CFAP52: variants seen among roughly 807,000 people sequenced by gnomAD.
CFAP52 encodes the protein cilia and flagella associated protein 52, also known as cilia- and flagella-associated protein 52.
CFAP52 carries 57 observed loss-of-function variants against 70.5 expected under a neutral mutation model. The ratio of observed to expected loss-of-function variants is 0.81; its 90% confidence interval spans 0.65 to 1.01. The LOEUF (loss-of-function observed/expected upper bound fraction) is 1.01. Among genes scored for constraint, CFAP52 ranks in the 50% least tolerant of loss-of-function variants. CFAP52 has a pLI of 0.00. For missense variants in CFAP52, 785 were observed against 788.5 expected (o/e 1.00, Z 0.05); for synonymous variants, 267 against 292.5 (o/e 0.91, Z 0.89).
At chr17:9,584,746 C>T (rs571246196) in intron 1 of CFAP52, among the ~76,000 whole-genome samples, 60 of 152,084 alleles carry the variant, frequency 3.9e-4, no homozygotes, top group African/African-American at 1.2e-3. Context: ...CTCAGCCTCC[C>T]GAGTAGCTGG....
At chr17:9,610,184 T>C (rs1909660005) in intron 7 of CFAP52, 1 of 152,142 alleles carries the variant, frequency 6.6e-6, no homozygotes, top group Non-Finnish European at 1.5e-5. Context: ...TAATACAAGA[T>C]GCAAGAAATA....
chr17:9,599,983 C>A (rs1228953618), intron 5 of CFAP52, 84 bp from the exon 6 acceptor site: 3 of 1,087,036 alleles, frequency 2.8e-6, no homozygotes, highest in South Asian at 1.3e-5. Context: ...TCAGGTGATC[C>A]ACCCGCCTCG....
chr17:9,631,086 A>AAG lies in CFAP52; in HGVS notation c.1175-1800_1175-1799dup, dbSNP rs1478815746. Among the ~76,000 whole-genome samples the AAG allele has an allele frequency of 8.0e-5, 11 of 138,026 alleles. No individual in the cohort carries two copies. The East Asian group carries it at 1.0e-3, about 13-fold the overall frequency. 90.6% of individuals were successfully genotyped at this position (138,026 alleles called of 152,430 possible). On this transcript the variant is annotated intron_variant, in intron 9 of 13. Coordinates refer to ENST00000352665, the MANE Select transcript of CFAP52 (RefSeq NM_145054.5). The stretch of plus-strand genomic sequence containing the variant: ...AGAAAGAAAGAAAGAAAGAAAGAGA[A>AAG]AGAAAGAAAGAGAAAGAAAGAACAT...
At position 9,636,430 on chromosome 17, in the gene CFAP52, A is replaced by G. The variant is rs145827979; in HGVS notation, c.1472+874A>G. 1.4e-4 allele frequency among the ~76,000 whole-genome samples: 22 copies of G among 152,248 alleles called. No individual in the cohort carries two copies. In the East Asian group the frequency reaches 4.1e-3, roughly 28 times the overall value. Reference sequence around the variant, plus strand: ...TCCGAGCGTATCACACCCCCATAGAATGACTAACTTCAAACTAACTAGACC... The same window carrying G: ...TCCGAGCGTATCACACCCCCATAGAGTGACTAACTTCAAACTAACTAGACC... On this transcript the variant is annotated intron_variant, in intron 11 of 13. Coordinates refer to ENST00000352665, the MANE Select transcript of CFAP52 (RefSeq NM_145054.5).
At chr17:9,600,946 A>G (rs1261578481) in intron 6 of CFAP52, among the ~76,000 whole-genome samples, 1 of 152,120 alleles carries the variant, frequency 6.6e-6, no homozygotes, top group Non-Finnish European at 1.5e-5. Flanking sequence ...TCAGAACCAC[A>G]TTTCCAGTTC....
chr17:9,608,858 C>A (rs569822356), intron 7 of CFAP52, among the ~76,000 whole-genome samples: 1 of 152,256 alleles, frequency 6.6e-6, no homozygotes, highest in East Asian at 1.9e-4. Flanking sequence ...TTTGTCCTCC[C>A]AGAACTTACA....
chr17:9,611,184 T>C lies in CFAP52; in HGVS notation c.855-1125T>C, dbSNP rs151109931. On this transcript the variant is annotated intron_variant, in intron 7 of 13. Coordinates refer to ENST00000352665, the MANE Select transcript of CFAP52 (RefSeq NM_145054.5). ...ACAAGAACCTGCGTTGAATTCTTCA[T>C]TGTCTAAACTAAACTAGTTACAGAG... is the stretch of plus-strand genomic sequence containing the variant. Among the ~76,000 whole-genome samples, 497 of 152,292 alleles carry C rather than the reference T, an allele frequency of 3.3e-3. 2 individuals carry two copies. The highest frequency in any genetic ancestry group is 5.3e-3 in the Non-Finnish European group (358 of 68,020).
rs368404065 is a variant in CFAP52, at chr17:9,601,127, CT to C, written c.753+945del. 4.3e-4 allele frequency among the ~76,000 whole-genome samples: 65 copies of C among 152,096 alleles called. No homozygotes were observed. In the East Asian group the frequency reaches 0.012, roughly 28 times the overall value. Reference sequence around the variant, plus strand: ...GTCCTTTGTAGGGACATGGATGAAGCTGGATACCATCATTCTCAGCAAGCTA... The same window carrying C: ...GTCCTTTGTAGGGACATGGATGAAGCGGATACCATCATTCTCAGCAAGCTA... On this transcript the variant is annotated intron_variant, in intron 6 of 13. Coordinates refer to ENST00000352665, the MANE Select transcript of CFAP52 (RefSeq NM_145054.5).
At chr17:9,615,449 T>C (rs1003048873) in intron 8 of CFAP52, among the ~76,000 whole-genome samples, 3 of 152,346 alleles carry the variant, frequency 2.0e-5, no homozygotes, top group Non-Finnish European at 4.4e-5. Context: ...ATTTAATTCA[T>C]TCATAAGTAT....
At chr17:9,600,208 C>T (rs771593633) in intron 6 of CFAP52, 25 bp downstream of exon 6, 3 of 1,590,660 alleles carry the variant, frequency 1.9e-6, no homozygotes, top group East Asian at 2.2e-5. Context: ...TCGCCACTGC[C>T]CTGCCATTTT....
intron 3 of CFAP52, 43 bp downstream of exon 3, chr17:9,586,877 A>G: frequency 6.5e-7 from 1 of 1,538,800 alleles, no homozygotes; most frequent in Non-Finnish European, 8.7e-7. Flanking sequence ...TATTTTTTTT[A>G]ACTTTTATTT....
Position 9,594,311 on chromosome 17 carries a change from A to G in CFAP52, c.526A>G (p.Thr176Ala), listed in dbSNP as rs1172887664. The change falls in exon 4 of 14, where the codon ACT becomes GCT. Residue 176 changes from threonine to alanine, a missense_variant. Coordinates refer to ENST00000352665, the MANE Select transcript of CFAP52 (RefSeq NM_145054.5). ...FSRCRDEMFMTAGNGTIRVWE... is the reference protein window; with the variant it reads ...FSRCRDEMFMAAGNGTIRVWE... The stretch of plus-strand genomic sequence containing the variant: ...CAGGTGCCGGGATGAGATGTTTATG[A>G]CTGCTGGAAAGTATGTGTCTGCGTT... 1 of 1,612,348 alleles carries G rather than the reference A, an allele frequency of 6.2e-7. No homozygotes were observed. The highest frequency in any genetic ancestry group is 8.5e-7 in the Non-Finnish European group (1 of 1,179,398).
intron 6 of CFAP52, among the ~76,000 whole-genome samples, chr17:9,606,830 A>G (rs1024435642): frequency 6.6e-6 from 1 of 152,098 alleles, no homozygotes; most frequent in African/African-American, 2.4e-5. Flanking sequence ...GCACTTAGGA[A>G]GTTAGGGGTG....
At chr17:9,639,949 A>C (rs1421381425) in intron 12 of CFAP52, among the ~76,000 whole-genome samples, 2 of 152,180 alleles carry the variant, frequency 1.3e-5, no homozygotes, top group Non-Finnish European at 2.9e-5. Flanking sequence ...GTGGGTGTGA[A>C]TCCTGAGAAA....
intron 1 of CFAP52, among the ~76,000 whole-genome samples, chr17:9,577,374 G>A (rs1908008222): frequency 1.3e-5 from 2 of 152,220 alleles, no homozygotes; most frequent in African/African-American, 4.8e-5. Flanking sequence ...GAGAGAAAAA[G>A]GGACTGGGCC....
chr17:9,586,797 T>G lies in CFAP52; in HGVS notation c.370T>G (p.Leu124Val), dbSNP rs769123006. ...IEALAFSPND[L>V]YLVSLGGPDD... ...AGCTCTGGCCTTTTCTCCAAATGAT[T>G]TGTACTTGGTATCACTAGGAGGCCC... Residue 124 changes from leucine (L) to valine (V), a missense_variant, in exon 3 of 14, where the codon TTG becomes GTG. Coordinates refer to ENST00000352665, the MANE Select transcript of CFAP52 (RefSeq NM_145054.5). The G allele has an allele frequency of 6.8e-6, 11 of 1,613,128 alleles. No homozygotes were observed. The highest frequency in any genetic ancestry group is 1.3e-5 in the African/African-American group (1 of 74,836).
chr17:9,600,207 C>T, intron 6 of CFAP52, 24 bp downstream of exon 6: 1 of 1,588,936 alleles, frequency 6.3e-7, no homozygotes. Context: ...ATCGCCACTG[C>T]CCTGCCATTT....
At chr17:9,628,631 T>G in intron 8 of CFAP52, 41 bp from the exon 9 acceptor site, 1 of 1,597,350 alleles carries the variant, frequency 6.3e-7, no homozygotes, top group South Asian at 1.1e-5. Context: ...TCTGGGAAAC[T>G]GCATCTTTTA....
At position 9,641,781 on chromosome 17, in the gene CFAP52, T is replaced by C; in HGVS notation, c.1633T>C (p.Ser545Pro). 6.2e-7 allele frequency: 1 copy of C among 1,614,048 alleles called. No individual in the cohort carries two copies. Among genetic ancestry groups the C allele is most frequent in the Non-Finnish European group, 8.5e-7 (1 of 1,179,930 alleles). Residue 545 changes from serine to proline, a missense_variant, in exon 13 of 14, where the codon TCT becomes CCT. By Grantham distance (74) the Ser-to-Pro change is moderately conservative. Coordinates refer to ENST00000352665, the MANE Select transcript of CFAP52 (RefSeq NM_145054.5). ...AATCAGAGAATTGGAAGGTTCCCTGTCTGGGTCGATAAATGGCATGGATAT... is the reference window on the plus strand; with the variant it reads ...AATCAGAGAATTGGAAGGTTCCCTGCCTGGGTCGATAAATGGCATGGATAT... ...TVIRELEGSL[S>P]GSINGMDITQ...
Sources: gnomAD v4.1 joint callset for allele counts (sites outside exome capture counted in the v4.1 genomes callset) on GRCh38, gnomAD v4.1.1 for gene constraint, MANE v1.5 for transcripts, NCBI Gene and HGNC (gene_info 2026-07-23, HGNC 2026-07-21) for gene names.